The following TMEM230 variants were observed in gnomAD, a reference collection of about 807,000 sequenced individuals.
The protein encoded by TMEM230 is transmembrane protein 230.
TMEM230 carries 10 observed loss-of-function variants against 15.8 expected under a neutral mutation model. The observed-to-expected ratio is 0.63, with a 90% CI of 0.39 to 1.07. The LOEUF is 1.07. Ranked by LOEUF, TMEM230 falls within the 50% of genes least tolerant of loss-of-function variation. TMEM230 has a pLI of 0.01. For missense variants in TMEM230, 165 were observed against 193.3 expected (o/e 0.85, Z 0.87); for synonymous variants, 67 against 76.9 (o/e 0.87, Z 0.68).
chr20:5,110,738 TAAAG>T (rs908024955), intron 2 of TMEM230, among the ~76,000 whole-genome samples: 30 of 152,272 alleles, frequency 2.0e-4, no homozygotes, highest in Admixed American at 1.4e-3. Flanking sequence ...CAAAAAATTT[TAAAG>T]AAAGAAAGAA....
intron 3 of TMEM230, 117 bp from the exon 3 acceptor site, chr20:5,106,427 G>C: frequency 7.7e-7 from 1 of 1,296,932 alleles, no homozygotes; most frequent in South Asian, 1.6e-5. Context: ...TTTTGAGATG[G>C]AGTTTCGTTC....
At chr20:5,111,898 G>T in intron 1 of TMEM230, 2 of 553,490 alleles carry the variant, frequency 3.6e-6, no homozygotes, top group Non-Finnish European at 4.6e-6. Flanking sequence ...CCAGGCTAGA[G>T]TTTAGGGACC....
At chr20:5,103,227 T>G (rs2089941920) in intron 4 of TMEM230, among the ~76,000 whole-genome samples, 2 of 152,136 alleles carry the variant, frequency 1.3e-5, no homozygotes. Context: ...TTTGGGAGGC[T>G]GAGGCAGGAG....
chr20:5,099,274 G>C (rs1405800387), downstream of TMEM230, among the ~76,000 whole-genome samples: 1 of 151,720 alleles, frequency 6.6e-6, no homozygotes, highest in South Asian at 2.1e-4. Flanking sequence ...AAATCATTTG[G>C]TTGGCCAAAA....
intron 3 of TMEM230, among the ~76,000 whole-genome samples, chr20:5,076,949 A>T (rs2089023138): frequency 6.9e-6 from 1 of 145,562 alleles, no homozygotes; most frequent in African/African-American, 2.5e-5. Flanking sequence ...AAGTGCTGGG[A>T]TTACAGGTGT....
intron 3 of TMEM230, among the ~76,000 whole-genome samples, chr20:5,070,991 C>T (rs1216721725): frequency 6.6e-6 from 1 of 152,116 alleles, no homozygotes; most frequent in Non-Finnish European, 1.5e-5. Context: ...TGTATAGAAT[C>T]TTCTGTTTAC....
chr20:5,105,501 G>T (rs1198431909), intron 4 of TMEM230, among the ~76,000 whole-genome samples: 1 of 151,712 alleles, frequency 6.6e-6, no homozygotes, highest in Non-Finnish European at 1.5e-5. Context: ...TGAGGCACAA[G>T]AATAGCATGA....
At chr20:5,071,151 C>T (rs76734328) in intron 3 of TMEM230, among the ~76,000 whole-genome samples, 4,246 of 152,118 alleles carry the variant, frequency 0.028, 175 homozygotes, top group African/African-American at 0.093. Flanking sequence ...CTTGGGAGTG[C>T]GGATACCTTT....
chr20:5,078,798 G>GT (rs955460942), intron 3 of TMEM230, among the ~76,000 whole-genome samples: 3 of 152,136 alleles, frequency 2.0e-5, no homozygotes, highest in Non-Finnish European at 2.9e-5. Context: ...CTTTTGGTGT[G>GT]TTTTTTTGAG....
chr20:5,084,231 T>A (rs928561491), intron 3 of TMEM230, among the ~76,000 whole-genome samples: 6 of 151,800 alleles, frequency 4.0e-5, no homozygotes, highest in Admixed American at 2.6e-4. Context: ...TTTTAATTTT[T>A]TTTTTTTTTT....
At chr20:5,091,085 A>T (rs2089492668) in intron 3 of TMEM230, among the ~76,000 whole-genome samples, 1 of 152,114 alleles carries the variant, frequency 6.6e-6, no homozygotes, top group African/African-American at 2.4e-5. Context: ...TGCCGCCTTG[A>T]ACTCGTGGAC....
chr20:5,076,632 T>G (rs1182326871), intron 3 of TMEM230, among the ~76,000 whole-genome samples: 1 of 152,136 alleles, frequency 6.6e-6, no homozygotes, highest in Non-Finnish European at 1.5e-5. Flanking sequence ...TCTATGTATA[T>G]TCTCTGTGTA....
intron 1 of TMEM230, chr20:5,112,635 C>A: frequency 7.9e-7 from 1 of 1,267,544 alleles, no homozygotes; most frequent in South Asian, 1.7e-5. Flanking sequence ...TCACCGCTAC[C>A]CCCAAACTCC....
Position 5,100,490 on chromosome 20 carries a change from T to A in TMEM230, c.*301A>T. 1 of 1,082,844 alleles carries A rather than the reference T, an allele frequency of 9.2e-7. No individual in the cohort carries two copies. Among genetic ancestry groups the A allele is most frequent in the Non-Finnish European group, 1.1e-6 (1 of 890,368 alleles). The allele number at this position is 1,082,844 out of a possible 1,614,324, so 67.1% of individuals were successfully genotyped here. On this transcript the variant is annotated 3_prime_UTR_variant, in exon 5 of 5. Transcript: ENST00000342308. ...AATGAAGACTATTTAAAAGAAATGCTCAGCTCTACAGAGGGTGGTGGCAGG... is the reference window on the plus strand; with the variant it reads ...AATGAAGACTATTTAAAAGAAATGCACAGCTCTACAGAGGGTGGTGGCAGG...
At chr20:5,069,431 A>G (rs1600259583) in intron 3 of TMEM230, 2 of 1,403,536 alleles carry the variant, frequency 1.4e-6, no homozygotes, top group East Asian at 5.0e-5. Context: ...TCAAGAAATC[A>G]CATCTTATGC....
intron 2 of TMEM230, among the ~76,000 whole-genome samples, chr20:5,110,307 G>A (rs189502429): frequency 1.4e-3 from 213 of 149,372 alleles, no homozygotes; most frequent in African/African-American, 4.9e-3. Flanking sequence ...TTTTCTTTGC[G>A]ATAGTCTCAC....
intron 3 of TMEM230, among the ~76,000 whole-genome samples, chr20:5,072,842 C>G (rs1382174542): frequency 8.0e-6 from 1 of 124,792 alleles, no homozygotes; most frequent in Non-Finnish European, 1.6e-5. Flanking sequence ...GAGCGAGACT[C>G]CACCTCAAAA....
At chr20:5,071,996 C>G (rs1376338631) in intron 3 of TMEM230, among the ~76,000 whole-genome samples, 1 of 152,140 alleles carries the variant, frequency 6.6e-6, no homozygotes, top group African/African-American at 2.4e-5. Flanking sequence ...AGTGATCCAC[C>G]TGCCTCAGCC....
chr20:5,070,676 A>T (rs2088793392), intron 3 of TMEM230, among the ~76,000 whole-genome samples: 3 of 152,336 alleles, frequency 2.0e-5, no homozygotes, highest in South Asian at 4.1e-4. Flanking sequence ...GCAGTATTTA[A>T]TTATTGAGAG....
Sources: gnomAD v4.1 joint callset for allele counts (sites outside exome capture counted in the v4.1 genomes callset) on GRCh38, gnomAD v4.1.1 for gene constraint, MANE v1.5 for transcripts, NCBI Gene and HGNC (gene_info 2026-07-23, HGNC 2026-07-21) for gene names.